The following ACAP2 variants were observed in gnomAD, a reference collection of about 807,000 sequenced individuals.
ACAP2 encodes ArfGAP with coiled-coil, ankyrin repeat and PH domains 2, also known as arf-GAP with coiled-coil, ANK repeat and PH domain-containing protein 2.
ACAP2 carries 39 observed loss-of-function variants against 115.8 expected under a neutral mutation model. The ratio of observed to expected loss-of-function variants is 0.34; its 90% confidence interval spans 0.26 to 0.44. The LOEUF (loss-of-function observed/expected upper bound fraction) is 0.44, where lower values mean the gene tolerates loss of function less well. ACAP2 is among the 20% of genes least tolerant of loss of function. ACAP2 has a pLI of 1.00. For synonymous variants in ACAP2, 289 were observed against 315.8 expected, an observed-to-expected ratio of 0.92 and a Z score of 0.90; for missense variants, 662 against 927.6, an observed-to-expected ratio of 0.71 and a Z score of 3.72.
chr3:195,351,143 G>T (rs1731553361), intron 4 of ACAP2, among the ~76,000 whole-genome samples: 1 of 150,794 alleles, frequency 6.6e-6, no homozygotes, highest in South Asian at 2.1e-4. Flanking sequence ...CGGGGGACAG[G>T]GTCTTGCTCT....
chr3:195,314,196 G>GTT (rs751897649), intron 10 of ACAP2, among the ~76,000 whole-genome samples: 1,637 of 112,148 alleles, frequency 0.015, 28 homozygotes, highest in African/African-American at 0.052. Context: ...AGAAAATTTT[G>GTT]TTGTTTTTTT....
At chr3:195,332,574 G>A (rs1167462052) in intron 8 of ACAP2, among the ~76,000 whole-genome samples, 1 of 152,088 alleles carries the variant, frequency 6.6e-6, no homozygotes, top group African/African-American at 2.4e-5. Context: ...AGTCCTCCTT[G>A]ATATGATTTG....
At chr3:195,439,995 T>C (rs1325043805) in intron 1 of ACAP2, among the ~76,000 whole-genome samples, 1 of 152,158 alleles carries the variant, frequency 6.6e-6, no homozygotes, top group Non-Finnish European at 1.5e-5. Context: ...AAAGACCTAC[T>C]ACATGCAACT....
chr3:195,430,396 TA>T (rs1227501270), intron 1 of ACAP2, among the ~76,000 whole-genome samples: 55 of 152,266 alleles, frequency 3.6e-4, no homozygotes, highest in African/African-American at 1.3e-3. Context: ...TGGAATTCTA[TA>T]CTCTCTGAGA....
chr3:195,355,493 A>C (rs922739976), intron 4 of ACAP2, among the ~76,000 whole-genome samples: 1 of 152,206 alleles, frequency 6.6e-6, no homozygotes, highest in East Asian at 1.9e-4. Context: ...AGGTTCACTT[A>C]TATTTCTGGA....
intron 4 of ACAP2, among the ~76,000 whole-genome samples, chr3:195,380,043 A>C (rs2108749048): frequency 6.6e-6 from 1 of 152,296 alleles, no homozygotes. Context: ...TGCTGGTGGA[A>C]ATGTAAAATG....
intron 4 of ACAP2, among the ~76,000 whole-genome samples, chr3:195,368,095 G>A (rs573530322): frequency 6.6e-6 from 1 of 152,296 alleles, no homozygotes; most frequent in African/African-American, 2.4e-5. Context: ...ATCTACAACT[G>A]CTAAAATTAC....
rs869221733 is a variant in ACAP2 at position 195,300,034 on chromosome 3, CTTTTTTTTTCTTTTTTTTTT to C, written c.1395+1521_1395+1540del. Among the ~76,000 whole-genome samples, 13 of 141,930 alleles carry C rather than the reference CTTTTTTTTTCTTTTTTTTTT, an allele frequency of 9.2e-5. No individual in the cohort carries two copies. The East Asian group carries it at 1.7e-3, about 19-fold the overall frequency. 93.1% of individuals were successfully genotyped at this position (141,930 alleles called of 152,430 possible). ...TATCTACTTTCCGTCTTTCTTTTTT[CTTTTTTTTTCTTTTTTTTTT>C]TTTTTTTTTTGAGACACAGTCTTCC... On this transcript the variant is annotated intron_variant, in intron 15 of 22. Coordinates refer to ENST00000326793, the MANE Select transcript of ACAP2 (RefSeq NM_012287.6).
At chr3:195,408,229 A>C (rs888638971) in intron 1 of ACAP2, among the ~76,000 whole-genome samples, 7 of 152,200 alleles carry the variant, frequency 4.6e-5, no homozygotes, top group Admixed American at 2.0e-4. Flanking sequence ...TGGGAGCCCA[A>C]GGCAGGCGGT....
intron 1 of ACAP2, among the ~76,000 whole-genome samples, chr3:195,412,164 CAAAAAAAAAAAA>C (rs869120673): frequency 1.2e-4 from 6 of 48,600 alleles, no homozygotes; most frequent in Non-Finnish European, 1.6e-4. Context: ...GACCCTGTCT[CAAAAAAAAAAAA>C]AAAAAAAAAA....
chr3:195,348,432 A>C (rs1731324210), intron 4 of ACAP2, among the ~76,000 whole-genome samples: 1 of 152,180 alleles, frequency 6.6e-6, no homozygotes, highest in Non-Finnish European at 1.5e-5. Context: ...GAAAGGTAGA[A>C]AGAACAGTAC....
At chr3:195,437,192 G>T (rs1391896496) in intron 1 of ACAP2, among the ~76,000 whole-genome samples, 1 of 150,166 alleles carries the variant, frequency 6.7e-6, no homozygotes. Context: ...GACTACAGGC[G>T]TGGGCCACAT....
At chr3:195,356,916 G>A (rs1318894339) in intron 4 of ACAP2, among the ~76,000 whole-genome samples, 13 of 151,684 alleles carry the variant, frequency 8.6e-5, no homozygotes, top group Non-Finnish European at 5.9e-5. Flanking sequence ...CGGTGGCTAC[G>A]AGGAAAGACT....
At chr3:195,334,904 G>C (rs7641810) in intron 7 of ACAP2, among the ~76,000 whole-genome samples, 43,769 of 151,792 alleles carry the variant, frequency 0.29, 7,191 homozygotes, top group East Asian at 0.71. Context: ...ATGTTCTAAG[G>C]TCAAAAACAA....
chr3:195,318,273 G>A (rs1340619694), intron 10 of ACAP2, among the ~76,000 whole-genome samples: 1 of 152,140 alleles, frequency 6.6e-6, no homozygotes, highest in Non-Finnish European at 1.5e-5. Context: ...CAGAGAACTG[G>A]TACCAGCAGA....
intron 18 of ACAP2, among the ~76,000 whole-genome samples, chr3:195,294,007 TG>T (rs201362377): frequency 0.013 from 1,941 of 149,306 alleles, 32 homozygotes; most frequent in African/African-American, 0.043. Flanking sequence ...GGCATGGTGG[TG>T]GGCATCTGTA....
intron 22 of ACAP2, 188 bp from the exon 23 acceptor site, chr3:195,279,616 C>T (rs1726357424): frequency 2.5e-6 from 1 of 398,186 alleles, no homozygotes; most frequent in Non-Finnish European, 4.4e-6. Flanking sequence ...AAAAAAAAAA[C>T]TATACCTGAA....
chr3:195,375,567 T>G (rs1733473913), intron 4 of ACAP2, among the ~76,000 whole-genome samples: 1 of 150,428 alleles, frequency 6.6e-6, no homozygotes, highest in Non-Finnish European at 1.5e-5. Context: ...ATCCCAGCAC[T>G]TTGGGAAGCC....
intron 1 of ACAP2, among the ~76,000 whole-genome samples, chr3:195,432,210 A>C (rs970614572): frequency 6.6e-6 from 1 of 152,208 alleles, no homozygotes; most frequent in Admixed American, 6.5e-5. Flanking sequence ...TCAATTTATC[A>C]ATCTTTTCTT....
Sources: allele counts gnomAD v4.1 joint callset (sites outside exome capture counted in the v4.1 genomes callset), GRCh38; gene constraint gnomAD v4.1.1; transcripts MANE v1.5; gene names NCBI Gene and HGNC (gene_info 2026-07-23, HGNC 2026-07-21).